Variants in DAB1 observed in about 807,000 individuals in gnomAD.
DAB1 encodes the protein DAB adaptor protein 1, also known as disabled homolog 1.
In DAB1, 15 loss-of-function variants were observed where a neutral mutation model predicts 64.6. The observed-to-expected ratio is 0.23, with a 90% confidence interval of 0.16 to 0.36. The LOEUF (loss-of-function observed/expected upper bound fraction) is 0.36. Among genes scored for constraint, DAB1 ranks in the 10% least tolerant of loss-of-function variants. The pLI is 1.00. For missense variants in DAB1, 596 were observed against 706.7 expected, an observed-to-expected ratio of 0.84 and a Z score of 1.78; for synonymous variants, 235 against 251.9, an observed-to-expected ratio of 0.93 and a Z score of 0.64.
At chr1:57,864,532 T>C (rs1313461209) in intron 1 of DAB1, 1 of 152,088 alleles carries the variant, frequency 6.6e-6, no homozygotes, top group Non-Finnish European at 1.5e-5. Flanking sequence ...CCTGAGCTTA[T>C]GCGCATCCAG....
intron 9 of DAB1, chr1:57,033,668 A>C (rs1275034173): frequency 7.2e-6 from 9 of 1,246,648 alleles, no homozygotes; most frequent in Non-Finnish European, 8.0e-6. Context: ...TATGGTTCAC[A>C]CTTCCGTGGT....
chr1:57,873,410 G>A (rs1233900858), intron 1 of DAB1, among the ~76,000 whole-genome samples: 1 of 152,122 alleles, frequency 6.6e-6, no homozygotes, highest in African/African-American at 2.4e-5. Flanking sequence ...CCTTGTACTG[G>A]AGTAGATGAA....
chr1:57,918,790 CTCCAG>C (rs1308940191), intron 5 of DAB1, among the ~76,000 whole-genome samples: 2 of 151,978 alleles, frequency 1.3e-5, no homozygotes, highest in African/African-American at 4.8e-5. Flanking sequence ...TGCGACTGCA[CTCCAG>C]CCTGGTCGAC....
chr1:58,418,624 G>A (rs1031693755), intron 3 of DAB1, among the ~76,000 whole-genome samples: 39 of 152,002 alleles, frequency 2.6e-4, no homozygotes, highest in Non-Finnish European at 1.0e-4. Flanking sequence ...ACCAATACAG[G>A]AAAAAACTGA....
intron 5 of DAB1, among the ~76,000 whole-genome samples, chr1:58,041,895 C>A (rs1647142314): frequency 2.0e-5 from 3 of 152,182 alleles, no homozygotes; most frequent in Non-Finnish European, 4.4e-5. Context: ...GCCATGCATA[C>A]CTGCTAAGAA....
intron 6 of DAB1, among the ~76,000 whole-genome samples, chr1:57,709,424 C>A (rs1212293366): frequency 6.6e-6 from 1 of 152,092 alleles, no homozygotes; most frequent in African/African-American, 2.4e-5. Flanking sequence ...TTAATTTAAA[C>A]CTCCCTCTTA....
chr1:57,693,610 C>T (rs1646790382), intron 6 of DAB1, among the ~76,000 whole-genome samples: 1 of 152,222 alleles, frequency 6.6e-6, no homozygotes, highest in African/African-American at 2.4e-5. Flanking sequence ...TCCTTCCACG[C>T]TGTGAAAGCT....
intron 4 of DAB1, among the ~76,000 whole-genome samples, chr1:58,205,517 C>A (rs536848264): frequency 1.3e-5 from 2 of 152,316 alleles, no homozygotes; most frequent in Non-Finnish European, 2.9e-5. Context: ...CCCTGAGAAC[C>A]TGTTTGTGAT....
chr1:57,739,705 G>C lies in DAB1; in HGVS notation n.552-90040C>G, dbSNP rs377669126. On this transcript the variant is annotated intron_variant and non_coding_transcript_variant, in intron 6 of 20. Transcript: ENST00000485760. ...TGATCTCAAACAATCTGCCTGCCTCGGCCTCCCAAAGTGCTGGGATTATAG... is the reference window on the plus strand; with the variant it reads ...TGATCTCAAACAATCTGCCTGCCTCCGCCTCCCAAAGTGCTGGGATTATAG... Among the ~76,000 whole-genome samples the C allele has an allele frequency of 3.3e-5, 5 of 150,268 alleles. No homozygotes were observed. The East Asian group carries it at 1.0e-3, about 30-fold the overall frequency.
intron 1 of DAB1, among the ~76,000 whole-genome samples, chr1:57,335,540 T>C (rs370001273): frequency 3.3e-4 from 50 of 152,278 alleles, no homozygotes; most frequent in African/African-American, 1.1e-3. Flanking sequence ...ACAAAAATAA[T>C]TGCCTGCCAC....
At chr1:58,246,779 T>C (rs1660554533) in intron 4 of DAB1, among the ~76,000 whole-genome samples, 1 of 152,076 alleles carries the variant, frequency 6.6e-6, no homozygotes. Flanking sequence ...TGTGAAATTG[T>C]GTGTGAGTGG....
intron 5 of DAB1, among the ~76,000 whole-genome samples, chr1:58,074,161 T>C (rs1012261518): frequency 7.9e-5 from 12 of 152,080 alleles, no homozygotes; most frequent in African/African-American, 2.9e-4. Context: ...TAGGTTGCTG[T>C]TTAGCTGACT....
At chr1:57,481,721 G>C (rs1418229158) in intron 7 of DAB1, among the ~76,000 whole-genome samples, 1 of 151,914 alleles carries the variant, frequency 6.6e-6, no homozygotes, top group East Asian at 1.9e-4. Context: ...GGAGGCTAAG[G>C]CAGGAGAATT....
intron 5 of DAB1, among the ~76,000 whole-genome samples, chr1:58,047,638 A>G (rs1332267801): frequency 6.6e-6 from 1 of 152,214 alleles, no homozygotes; most frequent in African/African-American, 2.4e-5. Flanking sequence ...TCACTAGTCA[A>G]AGTAATCACA....
At chr1:58,528,797 G>A (rs1489051569) in intron 1 of DAB1, among the ~76,000 whole-genome samples, 1 of 152,152 alleles carries the variant, frequency 6.6e-6, no homozygotes, top group Non-Finnish European at 1.5e-5. Context: ...ATCACAGTGA[G>A]CAACTTTCTA....
chr1:58,484,064 T>C (rs1390863030), intron 3 of DAB1, among the ~76,000 whole-genome samples: 4 of 152,212 alleles, frequency 2.6e-5, no homozygotes, highest in Non-Finnish European at 5.9e-5. Context: ...TAAAAACTCT[T>C]CTCTTATCCT....
chr1:58,441,961 G>A (rs1344959047), intron 3 of DAB1, among the ~76,000 whole-genome samples: 1 of 152,130 alleles, frequency 6.6e-6, no homozygotes, highest in Non-Finnish European at 1.5e-5. Context: ...GGGAGACTGA[G>A]GGATGGTTGG....
chr1:58,136,253 G>T (rs1333240107), intron 5 of DAB1, among the ~76,000 whole-genome samples: 2 of 152,116 alleles, frequency 1.3e-5, no homozygotes, highest in Non-Finnish European at 2.9e-5. Flanking sequence ...GGTAGTGGAG[G>T]GGCCTTCTCC....
At chr1:57,120,387 A>T (rs999026638) in intron 4 of DAB1, among the ~76,000 whole-genome samples, 1 of 152,188 alleles carries the variant, frequency 6.6e-6, no homozygotes, top group Non-Finnish European at 1.5e-5. Context: ...CCTGCTTTCA[A>T]GGGATCTGAA....
Sources: gnomAD v4.1 joint callset for allele counts (sites outside exome capture counted in the v4.1 genomes callset) on GRCh38, gnomAD v4.1.1 for gene constraint, MANE v1.5 for transcripts, NCBI Gene and HGNC (gene_info 2026-07-23, HGNC 2026-07-21) for gene names.